Variants in HSD17B11 observed in about 807,000 individuals in gnomAD.
HSD17B11 encodes the protein estradiol 17-beta-dehydrogenase 11.
In HSD17B11, 22 loss-of-function variants were observed where a neutral mutation model predicts 27.8. The observed-to-expected ratio is 0.79, with a 90% confidence interval of 0.56 to 1.13. The LOEUF (loss-of-function observed/expected upper bound fraction) is 1.13. Ranked by LOEUF, HSD17B11 falls within the 50% of genes most tolerant of loss-of-function variation. The pLI is 0.00. For synonymous variants in HSD17B11, 117 were observed against 132.8 expected, an observed-to-expected ratio of 0.88 and a Z score of 0.82; for missense variants, 314 against 351.1, an observed-to-expected ratio of 0.89 and a Z score of 0.84.
rs539984762 is a variant in HSD17B11, at chr4:87,355,065, T to C, written c.695+2214A>G. Among the ~76,000 whole-genome samples the C allele has an allele frequency of 7.9e-5, 12 of 151,800 alleles. No homozygotes were observed. In the South Asian group the frequency reaches 1.9e-3, roughly 24 times the overall value. On this transcript the variant is annotated intron_variant, in intron 5 of 6. Coordinates refer to ENST00000358290, the MANE Select transcript of HSD17B11 (RefSeq NM_016245.5). The stretch of plus-strand genomic sequence containing the variant: ...CCCAGTTCAAGGTTACAGTGAGCCA[T>C]GATCACACCACTGCACTTCAGCCTA...
At chr4:87,338,949 T>C (rs11931674) in intron 6 of HSD17B11, among the ~76,000 whole-genome samples, 1 of 152,162 alleles carries the variant, frequency 6.6e-6, no homozygotes, top group Non-Finnish European at 1.5e-5. Flanking sequence ...AAAAAACTAA[T>C]CCATGTTCAT....
intron 2 of HSD17B11, among the ~76,000 whole-genome samples, chr4:87,375,072 T>C (rs1447488697): frequency 8.5e-5 from 13 of 152,282 alleles, no homozygotes; most frequent in South Asian, 4.1e-4. Flanking sequence ...CTAATTTTTA[T>C]ATTTTTAGTA....
At chr4:87,344,332 GC>G (rs1478816724) in intron 5 of HSD17B11, among the ~76,000 whole-genome samples, 6 of 152,246 alleles carry the variant, frequency 3.9e-5, no homozygotes, top group African/African-American at 1.4e-4. Flanking sequence ...AATCTTGGCT[GC>G]CCCCAAAATG....
chr4:87,356,852 T>A (rs1735395896), intron 5 of HSD17B11, among the ~76,000 whole-genome samples: 1 of 152,202 alleles, frequency 6.6e-6, no homozygotes, highest in Non-Finnish European at 1.5e-5. Flanking sequence ...GTTATCTCTA[T>A]CAGAATCACC....
intron 5 of HSD17B11, chr4:87,345,342 C>T (rs911207978): frequency 2.0e-5 from 3 of 151,672 alleles, no homozygotes; most frequent in African/African-American, 7.3e-5. Context: ...TTTATAGCTG[C>T]AAATGCCTGC....
chr4:87,386,439 G>C (rs895018312), intron 1 of HSD17B11, among the ~76,000 whole-genome samples: 2 of 152,166 alleles, frequency 1.3e-5, no homozygotes, highest in Non-Finnish European at 2.9e-5. Flanking sequence ...CTGGCCTCAA[G>C]TGATCCTCCC....
intron 4 of HSD17B11, among the ~76,000 whole-genome samples, chr4:87,372,260 A>G (rs1027070886): frequency 7.4e-6 from 1 of 135,766 alleles, no homozygotes; most frequent in Non-Finnish European, 1.6e-5. Context: ...AAAAAAAAAA[A>G]AAAAAATCAC....
chr4:87,381,657 G>A (rs1280342484), intron 2 of HSD17B11, among the ~76,000 whole-genome samples: 1 of 151,568 alleles, frequency 6.6e-6, no homozygotes, highest in African/African-American at 2.4e-5. Context: ...TACTTGGGAG[G>A]CTGAGGTGGG....
chr4:87,390,794 C>T (rs1720437394), intron 1 of HSD17B11, 67 bp downstream of exon 1: 1 of 1,432,990 alleles, frequency 7.0e-7, no homozygotes, highest in Non-Finnish European at 9.8e-7. Context: ...AGGGTGGTTG[C>T]CAGCAAAATG....
intron 4 of HSD17B11, chr4:87,366,044 C>T (rs1735609219): frequency 6.6e-6 from 1 of 152,124 alleles, no homozygotes; most frequent in Admixed American, 6.5e-5. Flanking sequence ...TTAGTAGAGA[C>T]AGGGTTTCTC....
intron 4 of HSD17B11, among the ~76,000 whole-genome samples, chr4:87,359,508 T>C (rs1310193467): frequency 1.3e-5 from 2 of 152,160 alleles, no homozygotes; most frequent in South Asian, 2.1e-4. Flanking sequence ...ACTACAGGCA[T>C]GTGCCACAAC....
rs149818057 is a variant in HSD17B11 at position 87,372,463 on chromosome 4, G to A, written c.557+246C>T. Among the ~76,000 whole-genome samples, 217 of 152,166 alleles carry A rather than the reference G, an allele frequency of 1.4e-3. 1 individual carries two copies. Among genetic ancestry groups the A allele is most frequent in the African/African-American group, 4.9e-3 (202 of 41,528 alleles). On this transcript the variant is annotated intron_variant, in intron 4 of 6. Transcript: ENST00000358290. ...GAAATGTTTTAAAAGTGGTTGGCTCGTAACTGAATACATTTCCGGCTGCTA... is the reference window on the plus strand; with the variant it reads ...GAAATGTTTTAAAAGTGGTTGGCTCATAACTGAATACATTTCCGGCTGCTA...
intron 3 of HSD17B11, among the ~76,000 whole-genome samples, chr4:87,373,721 A>C (rs980030559): frequency 6.6e-6 from 1 of 151,918 alleles, no homozygotes; most frequent in Non-Finnish European, 1.5e-5. Context: ...ACAACAACAA[A>C]AAAAGAGACA....
chr4:87,345,321 T>C (rs868639586), intron 5 of HSD17B11: 3 of 151,782 alleles, frequency 2.0e-5, no homozygotes, highest in Non-Finnish European at 2.9e-5. Context: ...AAAGCAGTGC[T>C]CAGAGGCAAA....
chr4:87,356,500 T>A (rs1180714172), intron 5 of HSD17B11, among the ~76,000 whole-genome samples: 1 of 152,146 alleles, frequency 6.6e-6, no homozygotes, highest in Non-Finnish European at 1.5e-5. Flanking sequence ...CAGGACCCCA[T>A]GTGTAACATA....
At chr4:87,358,072 C>G (rs185192202) in intron 4 of HSD17B11, among the ~76,000 whole-genome samples, 7,756 of 150,066 alleles carry the variant, frequency 0.052, 683 homozygotes, top group African/African-American at 0.18. Context: ...CGCCATTCTC[C>G]TGCCTCAGCC....
At chr4:87,380,110 C>CA (rs201265561) in intron 2 of HSD17B11, among the ~76,000 whole-genome samples, 22,292 of 118,890 alleles carry the variant, frequency 0.19, 2,097 homozygotes, top group East Asian at 0.34. Context: ...GACTCTGTCT[C>CA]AAAAAAAAAA....
At chr4:87,338,530 TTTTTA>T (rs1302447003) in intron 6 of HSD17B11, among the ~76,000 whole-genome samples, 2 of 152,112 alleles carry the variant, frequency 1.3e-5, no homozygotes, top group East Asian at 3.9e-4. Context: ...TACTGAGTAC[TTTTTA>T]TTTTATTTAT....
rs973450818 is a variant in HSD17B11, at chr4:87,355,697, A to G, written c.695+1582T>C. 2.0e-5 allele frequency among the ~76,000 whole-genome samples: 3 copies of G among 152,290 alleles called. No homozygotes were observed. The East Asian group carries it at 5.8e-4, about 29-fold the overall frequency. On this transcript the variant is annotated intron_variant, in intron 5 of 6. Transcript: ENST00000358290. ...GGTGGGCGGATCACTTGAGGCCTGG[A>G]GTTTGAGAACAGCCTGGCCAACGTG...
Sources: gnomAD v4.1 joint callset for allele counts (sites outside exome capture counted in the v4.1 genomes callset) on GRCh38, gnomAD v4.1.1 for gene constraint, MANE v1.5 for transcripts, NCBI Gene and HGNC (gene_info 2026-07-23, HGNC 2026-07-21) for gene names.